TBPL2: variants seen among roughly 807,000 people sequenced by gnomAD.
TBPL2 encodes the protein TATA box-binding protein-like 2.
A neutral mutation model predicts 38.2 loss-of-function variants in TBPL2; 40 were observed. The ratio of observed to expected loss-of-function variants is 1.05; its 90% CI spans 0.81 to 1.36. TBPL2 has a LOEUF of 1.36. Ranked by LOEUF, TBPL2 falls within the 40% of genes most tolerant of loss-of-function variation. TBPL2 has a pLI of 0.00. For missense variants in TBPL2, 461 were observed against 456.7 expected (o/e 1.01, Z -0.09); for synonymous variants, 169 against 171.7 (o/e 0.98, Z 0.12).
intron 3 of TBPL2, among the ~76,000 whole-genome samples, chr14:55,434,906 A>C (rs1594794151): frequency 6.6e-6 from 1 of 151,900 alleles, no homozygotes; most frequent in African/African-American, 2.4e-5. Flanking sequence ...TTTTCCCAGT[A>C]GGAAGCAGGT....
At chr14:55,433,388 AG>A (rs1368051184) in intron 4 of TBPL2, among the ~76,000 whole-genome samples, 3 of 148,658 alleles carry the variant, frequency 2.0e-5, no homozygotes, top group Non-Finnish European at 4.4e-5. Context: ...CCTGGGCTCA[AG>A]CGATCCTCCT....
chr14:55,435,797 G>A (rs1185300963), intron 3 of TBPL2, 50 bp downstream of exon 3: 1 of 1,286,390 alleles, frequency 7.8e-7, no homozygotes, highest in South Asian at 1.4e-5. Flanking sequence ...ATTAAGAAAA[G>A]TAAATCTAAA....
chr14:55,414,247 TAC>T (rs1339278986), exon 7 of TBPL2: 2 of 680,164 alleles, frequency 2.9e-6, no homozygotes, highest in Non-Finnish European at 5.0e-6. Flanking sequence ...TTAGGTTACT[TAC>T]ACAGAGTCGC....
intron 1 of TBPL2, 63 bp from the exon 2 acceptor site, chr14:55,437,081 G>T: frequency 6.9e-7 from 1 of 1,441,836 alleles, no homozygotes; most frequent in South Asian, 1.2e-5. Flanking sequence ...TTACACAAAA[G>T]GGATGTCACT....
chr14:55,424,275 A>T, intron 5 of TBPL2, 22 bp from the exon 6 acceptor site: 1 of 1,521,272 alleles, frequency 6.6e-7, no homozygotes, highest in Non-Finnish European at 9.1e-7. Context: ...TAAAAGGAAA[A>T]TGTTAAAAAT....
At chr14:55,419,136 T>C (rs1328926971) in intron 6 of TBPL2, among the ~76,000 whole-genome samples, 1 of 152,274 alleles carries the variant, frequency 6.6e-6, no homozygotes, top group Non-Finnish European at 1.5e-5. Context: ...ACAGGTGTTA[T>C]TGTAGACTTG....
In TBPL2 at chr14:55,422,606, C is replaced by T. The variant is rs899168009; in HGVS notation, c.1051+1553G>A. Among the ~76,000 whole-genome samples, 5 of 152,296 alleles carry T rather than the reference C, an allele frequency of 3.3e-5. No individual in the cohort carries two copies. The South Asian group carries it at 1.0e-3, about 32-fold the overall frequency. ...GTGGCTCACACCTGTAGTCCCAGCA[C>T]TTTGAGAGGCCAAGGCAGGTAGATC... On this transcript the variant is annotated intron_variant, in intron 6 of 6. Transcript: ENST00000247219.
intron 4 of TBPL2, among the ~76,000 whole-genome samples, chr14:55,432,832 T>C (rs1885953561): frequency 6.6e-6 from 1 of 152,194 alleles, no homozygotes; most frequent in Non-Finnish European, 1.5e-5. Context: ...GGTGAAAGAA[T>C]ACCCATCAAC....
intron 6 of TBPL2, among the ~76,000 whole-genome samples, chr14:55,419,858 G>A (rs1048935571): frequency 6.6e-6 from 1 of 152,186 alleles, no homozygotes; most frequent in Non-Finnish European, 1.5e-5. Flanking sequence ...AAGTTCATTT[G>A]TAATTGCAAC....
intron 5 of TBPL2, 108 bp downstream of exon 5, chr14:55,428,699 T>C: frequency 1.2e-5 from 6 of 485,202 alleles, no homozygotes; most frequent in East Asian, 6.7e-5. Context: ...GTCCCCCGCC[T>C]TTTTTTTTTT....
intron 4 of TBPL2, 70 bp downstream of exon 4, chr14:55,433,560 A>C: frequency 1.4e-6 from 2 of 1,441,632 alleles, no homozygotes; most frequent in Non-Finnish European, 1.9e-6. Flanking sequence ...TTAGCACATT[A>C]ATTCTATGCT....
rs368258125 is a variant in TBPL2 at position 55,422,529 on chromosome 14, G to A, written c.1051+1630C>T. 1.5e-4 allele frequency among the ~76,000 whole-genome samples: 23 copies of A among 152,166 alleles called. 1 individual carries two copies. The highest frequency in any genetic ancestry group is 5.1e-4 in the African/African-American group (21 of 41,514). On this transcript the variant is annotated intron_variant, in intron 6 of 6. Coordinates refer to ENST00000247219, the Ensembl canonical transcript of TBPL2. ...CTCCCGAAGTGCTAGGATTACAGGC[G>A]TGAGCCACCGCGCCCGGTCATAAAA...
intron 4 of TBPL2, among the ~76,000 whole-genome samples, chr14:55,429,761 C>T (rs1237369891): frequency 2.0e-4 from 22 of 107,808 alleles, no homozygotes; most frequent in African/African-American, 8.0e-4. Context: ...AGTGAAACTC[C>T]GTCTCAAAAA....
chr14:55,436,766 G>A lies in TBPL2; in HGVS notation c.403C>T (p.Pro135Ser). ...CCAACGTCCTGTTCGCTGGGTGATG[G>A]CAACCTACTTTGTGGACTTTGGCTT... The change falls in exon 2 of 7, where the codon CCA becomes TCA. Residue 135 changes from proline (P) to serine (S), a missense_variant. Pro to Ser is a moderately conservative substitution (Grantham distance 74). Coordinates refer to ENST00000247219, the Ensembl canonical transcript of TBPL2. The A allele has an allele frequency of 6.2e-7, 1 of 1,614,190 alleles. No homozygotes were observed. The highest frequency in any genetic ancestry group is 8.5e-7 in the Non-Finnish European group (1 of 1,180,036).
intron 1 of TBPL2, among the ~76,000 whole-genome samples, chr14:55,437,626 G>A (rs573435336): frequency 6.6e-6 from 1 of 152,224 alleles, no homozygotes; most frequent in Non-Finnish European, 1.5e-5. Flanking sequence ...TTTTGCAATA[G>A]AGGCAATTGA....
Position 55,430,487 on chromosome 14 carries a change from GC to G in TBPL2, c.789-1514del, listed in dbSNP as rs1260365012. On this transcript the variant is annotated intron_variant, in intron 4 of 6. Coordinates refer to ENST00000247219, the Ensembl canonical transcript of TBPL2. The stretch of plus-strand genomic sequence containing the variant: ...AGTGGCATGATCATAGCTCACTGCA[GC>G]CTTGAACTTCTGGCCTTAAGTGATC... Among the ~76,000 whole-genome samples, 3 of 150,368 alleles carry G rather than the reference GC, an allele frequency of 2.0e-5. No individual in the cohort carries two copies. The East Asian group carries it at 5.9e-4, about 30-fold the overall frequency.
chr14:55,420,271 A>T (rs1333920612), intron 6 of TBPL2, among the ~76,000 whole-genome samples: 2 of 152,182 alleles, frequency 1.3e-5, no homozygotes, highest in Admixed American at 6.5e-5. Flanking sequence ...GGGTCTTGCC[A>T]TGTTGGCCAG....
intron 4 of TBPL2, among the ~76,000 whole-genome samples, chr14:55,432,205 C>G (rs1044104217): frequency 6.8e-6 from 1 of 146,552 alleles, no homozygotes; most frequent in Non-Finnish European, 1.5e-5. Context: ...CCCAGGAGTT[C>G]GAGACCAGCC....
intron 4 of TBPL2, among the ~76,000 whole-genome samples, chr14:55,429,853 A>G (rs890373537): frequency 6.6e-6 from 1 of 151,654 alleles, no homozygotes; most frequent in Admixed American, 6.6e-5. Context: ...AGGAGGTAAG[A>G]TATGTGCTGA....
Sources: gnomAD v4.1 joint callset for allele counts (sites outside exome capture counted in the v4.1 genomes callset) on GRCh38, gnomAD v4.1.1 for gene constraint, MANE v1.5 for transcripts, NCBI Gene and HGNC (gene_info 2026-07-23, HGNC 2026-07-21) for gene names.